The following PXDNL variants were observed in gnomAD, a reference collection of about 807,000 sequenced individuals.
PXDNL encodes peroxidasin like.
PXDNL carries 145 observed loss-of-function variants against 150.8 expected under a neutral mutation model. That is an observed-to-expected ratio of 0.96 (90% CI 0.84 to 1.10). The LOEUF is 1.10. Ranked by LOEUF, PXDNL falls within the 50% of genes least tolerant of loss-of-function variation. The pLI is 0.00. For missense variants in PXDNL, 2,087 were observed against 1,873.9 expected (o/e 1.11, Z -2.10); for synonymous variants, 757 against 725.7 (o/e 1.04, Z -0.69).
intron 2 of PXDNL, among the ~76,000 whole-genome samples, chr8:51,604,111 A>G (rs1390089561): frequency 6.6e-6 from 1 of 152,224 alleles, no homozygotes; most frequent in Admixed American, 6.5e-5. Flanking sequence ...CATTACTAAT[A>G]CTAGAAATAC....
chr8:51,577,989 A>G lies in PXDNL; in HGVS notation c.308+14638T>C, dbSNP rs1449968810. ...AAAGAAAGAAAGAAAGAAAGAAAGA[A>G]AGAAAGAAAGAGGAAGGAAGGAAGG... On this transcript the variant is annotated intron_variant, in intron 3 of 22. Transcript: ENST00000356297. 2.8e-4 allele frequency among the ~76,000 whole-genome samples: 19 copies of G among 67,770 alleles called. No homozygotes were observed. The East Asian group carries it at 4.8e-3, about 17-fold the overall frequency. The allele number at this position is 67,770 out of a possible 152,430, so 44.5% of individuals were successfully genotyped here. A position where few individuals can be genotyped will look rare whatever the true frequency, so the allele number is the denominator to read the frequency against.
intron 3 of PXDNL, among the ~76,000 whole-genome samples, chr8:51,578,071 G>T (rs1296342754): frequency 1.9e-5 from 2 of 107,732 alleles, no homozygotes; most frequent in Non-Finnish European, 3.9e-5. Flanking sequence ...AGGAAAGAAA[G>T]AAAAGAAAGA....
Position 51,405,046 on chromosome 8 carries a change from C to T in PXDNL, c.3557+3021G>A, listed in dbSNP as rs551254413. 3.3e-5 allele frequency among the ~76,000 whole-genome samples: 5 copies of T among 152,314 alleles called. No individual in the cohort carries two copies. In the East Asian group the frequency reaches 5.8e-4, roughly 18 times the overall value. On this transcript the variant is annotated intron_variant, in intron 17 of 22. Coordinates refer to ENST00000356297, the MANE Select transcript of PXDNL (RefSeq NM_144651.5). Reference sequence around the variant, plus strand: ...AGCGCACCCTCCGCAGCTGCTGGCCCGGGTGCTAAGCCCCTCACTGCCTGG... The same window carrying T: ...AGCGCACCCTCCGCAGCTGCTGGCCTGGGTGCTAAGCCCCTCACTGCCTGG...
At chr8:51,690,962 T>C (rs904205509) in intron 1 of PXDNL, among the ~76,000 whole-genome samples, 2 of 152,170 alleles carry the variant, frequency 1.3e-5, no homozygotes, top group African/African-American at 4.8e-5. Flanking sequence ...GCTGCATAAA[T>C]GTCTTCTTTT....
intron 1 of PXDNL, among the ~76,000 whole-genome samples, chr8:51,787,419 A>T (rs2037470481): frequency 6.6e-6 from 1 of 152,236 alleles, no homozygotes; most frequent in Non-Finnish European, 1.5e-5. Context: ...CATGAGAGAA[A>T]GTCAAAATAT....
intron 17 of PXDNL, among the ~76,000 whole-genome samples, chr8:51,387,106 T>C (rs1807740502): frequency 1.3e-5 from 2 of 152,178 alleles, no homozygotes; most frequent in African/African-American, 4.8e-5. Context: ...AGGAAGCCTA[T>C]AGTTAAGACC....
At chr8:51,617,680 AT>A (rs1013668831) in intron 2 of PXDNL, among the ~76,000 whole-genome samples, 1 of 152,114 alleles carries the variant, frequency 6.6e-6, no homozygotes, top group African/African-American at 2.4e-5. Flanking sequence ...CTAACATTCC[AT>A]TTTTTTTGTC....
At chr8:51,709,458 G>C (rs1421372992) in intron 1 of PXDNL, among the ~76,000 whole-genome samples, 1 of 152,018 alleles carries the variant, frequency 6.6e-6, no homozygotes, top group African/African-American at 2.4e-5. Flanking sequence ...GTTTCACCGT[G>C]TTCGCCAGGA....
intron 20 of PXDNL, among the ~76,000 whole-genome samples, chr8:51,343,098 C>G (rs1372344142): frequency 6.6e-6 from 1 of 151,878 alleles, no homozygotes; most frequent in African/African-American, 2.4e-5. Context: ...TGGATTCTTA[C>G]CAAAAACATA....
At chr8:51,426,901 G>C (rs1809120051) in intron 12 of PXDNL, 143 bp from the exon 13 acceptor site, 1 of 575,758 alleles carries the variant, frequency 1.7e-6, no homozygotes, top group African/African-American at 1.9e-5. Flanking sequence ...GACGTCTAGG[G>C]GAATAACAAG....
intron 9 of PXDNL, among the ~76,000 whole-genome samples, chr8:51,455,146 A>AAAAAGAG (rs1563419775): frequency 6.7e-6 from 1 of 149,054 alleles, no homozygotes; most frequent in African/African-American, 2.5e-5. Context: ...GGTAAGGGAA[A>AAAAAGAG]GTATAGGGAA....
Position 51,475,137 on chromosome 8 carries a change from G to C in PXDNL, c.529C>G (p.Leu177Val). 1.2e-6 allele frequency: 2 copies of C among 1,611,996 alleles called. No homozygotes were observed. Among genetic ancestry groups the C allele is most frequent in the Non-Finnish European group, 1.7e-6 (2 of 1,178,378 alleles). ...SNLDSLKRLRLDSNALVCDCD... is the reference protein window; with the variant it reads ...SNLDSLKRLRVDSNALVCDCD... ...TCACAAACCAGGGCGTTGGAATCCAGACGCCTAGGCATGCAGGCAAGAAGT... is the reference window on the plus strand; with the variant it reads ...TCACAAACCAGGGCGTTGGAATCCACACGCCTAGGCATGCAGGCAAGAAGT... Residue 177 changes from leucine to valine, a missense_variant, in exon 7 of 23, where the codon CTG (leucine) becomes GTG (valine). By Grantham distance (32) the Leu-to-Val change is conservative (BLOSUM62 1). Transcript: ENST00000356297.
intron 1 of PXDNL, among the ~76,000 whole-genome samples, chr8:51,675,855 G>A (rs1259297452): frequency 1.3e-5 from 2 of 149,024 alleles, no homozygotes; most frequent in African/African-American, 4.9e-5. Context: ...GATAGACAAA[G>A]ACACCCTTCG....
chr8:51,758,918 C>G (rs2037132009), intron 1 of PXDNL, among the ~76,000 whole-genome samples: 1 of 152,082 alleles, frequency 6.6e-6, no homozygotes, highest in African/African-American at 2.4e-5. Flanking sequence ...AAAGCAGTGA[C>G]TCTCTCCAGT....
intron 14 of PXDNL, among the ~76,000 whole-genome samples, chr8:51,413,601 T>C (rs900959260): frequency 6.6e-6 from 1 of 152,140 alleles, no homozygotes; most frequent in African/African-American, 2.4e-5. Flanking sequence ...GAAATACCTA[T>C]CTCTTCAGCC....
intron 19 of PXDNL, among the ~76,000 whole-genome samples, chr8:51,350,133 A>G (rs1001919467): frequency 5.3e-5 from 8 of 152,010 alleles, no homozygotes; most frequent in African/African-American, 1.7e-4. Context: ...TAGACAAAAA[A>G]GAAGAGAAAG....
intron 1 of PXDNL, among the ~76,000 whole-genome samples, chr8:51,775,781 A>C (rs1361556310): frequency 6.6e-6 from 1 of 152,150 alleles, no homozygotes; most frequent in Non-Finnish European, 1.5e-5. Flanking sequence ...TTGTTTAAAC[A>C]ATTTGAAAGC....
intron 12 of PXDNL, among the ~76,000 whole-genome samples, chr8:51,434,665 C>A (rs918610070): frequency 6.6e-6 from 1 of 152,138 alleles, no homozygotes; most frequent in Admixed American, 6.5e-5. Context: ...GTTAAAAATA[C>A]TAGAATTAAG....
intron 6 of PXDNL, among the ~76,000 whole-genome samples, chr8:51,480,554 T>A (rs1298913046): frequency 6.6e-6 from 1 of 152,162 alleles, no homozygotes; most frequent in Non-Finnish European, 1.5e-5. Context: ...GGATTACAAT[T>A]GCACATGAGA....
Sources: allele counts gnomAD v4.1 joint callset (sites outside exome capture counted in the v4.1 genomes callset), GRCh38; gene constraint gnomAD v4.1.1; transcripts MANE v1.5; gene names NCBI Gene and HGNC (gene_info 2026-07-23, HGNC 2026-07-21).